FGF2: variants seen among roughly 807,000 people sequenced by gnomAD.
FGF2 encodes the protein fibroblast growth factor 2.
In FGF2, 13 loss-of-function variants were observed where a neutral mutation model predicts 15.9. That is an observed-to-expected ratio of 0.82 (90% confidence interval 0.53 to 1.30). FGF2 has a LOEUF of 1.30. FGF2 is among the 50% of genes most tolerant of loss of function. FGF2 has a pLI of 0.00. For synonymous variants in FGF2, 90 were observed against 78.4 expected (o/e 1.15, Z -0.78); for missense variants, 163 against 196.9 (o/e 0.83, Z 1.03).
intron 2 of FGF2, chr4:122,884,239 A>T (rs952061791): frequency 3.3e-5 from 5 of 152,276 alleles, no homozygotes; most frequent in African/African-American, 1.2e-4. Context: ...CATGCCTGTA[A>T]TCCCAGCACT....
chr4:122,887,469 C>T (rs193142801), intron 2 of FGF2, among the ~76,000 whole-genome samples: 22 of 152,288 alleles, frequency 1.4e-4, no homozygotes, highest in African/African-American at 4.6e-4. Flanking sequence ...ACATGGCTCC[C>T]GCCATCTCCT....
intron 2 of FGF2, among the ~76,000 whole-genome samples, chr4:122,891,013 CA>C (rs143344774): frequency 0.29 from 42,082 of 143,298 alleles, 6,990 homozygotes; most frequent in South Asian, 0.52. Flanking sequence ...GCTTTTTGAA[CA>C]ATTTATCTTT....
intron 1 of FGF2, among the ~76,000 whole-genome samples, chr4:122,831,970 T>C (rs1725774074): frequency 6.6e-6 from 1 of 152,248 alleles, no homozygotes; most frequent in Non-Finnish European, 1.5e-5. Context: ...TCTTCATCTA[T>C]ACACTGATTC....
chr4:122,859,653 TAC>T (rs3034609), intron 1 of FGF2, among the ~76,000 whole-genome samples: 115,669 of 149,682 alleles, frequency 0.77, 45,308 homozygotes, highest in East Asian at 0.9. Context: ...CATATGTATA[TAC>T]ACACACACAC....
chr4:122,882,387 C>G (rs763551942), intron 2 of FGF2: 1 of 152,174 alleles, frequency 6.6e-6, no homozygotes, highest in Non-Finnish European at 1.5e-5. Flanking sequence ...AGAATGTAGA[C>G]CTGAAAAGAG....
intron 1 of FGF2, among the ~76,000 whole-genome samples, chr4:122,846,989 C>T (rs373670476): frequency 2.6e-5 from 4 of 152,178 alleles, no homozygotes; most frequent in East Asian, 1.9e-4. Flanking sequence ...CCTGTGCCCG[C>T]GCATTACAAG....
chr4:122,870,192 C>T (rs77852672), intron 1 of FGF2, among the ~76,000 whole-genome samples: 2 of 152,134 alleles, frequency 1.3e-5, no homozygotes, highest in Non-Finnish European at 2.9e-5. Context: ...TCGACTTGAT[C>T]GCAGCGGATA....
intron 1 of FGF2, among the ~76,000 whole-genome samples, chr4:122,835,993 A>G: frequency 6.6e-6 from 1 of 152,176 alleles, no homozygotes; most frequent in East Asian, 1.9e-4. Context: ...AAAATCCTTT[A>G]AGATCCAGCC....
intron 1 of FGF2, among the ~76,000 whole-genome samples, chr4:122,871,454 C>G (rs1163867059): frequency 6.6e-6 from 1 of 151,970 alleles, no homozygotes; most frequent in Non-Finnish European, 1.5e-5. Flanking sequence ...GAGTCTAAGT[C>G]TCTTTGTAGG....
chr4:122,884,314 C>T (rs147119510), intron 2 of FGF2: 9,484 of 152,052 alleles, frequency 0.062, 738 homozygotes, highest in African/African-American at 0.19. Flanking sequence ...GCCAACATGG[C>T]GAAACCCCAT....
At chr4:122,846,929 G>A (rs1300952400) in intron 1 of FGF2, among the ~76,000 whole-genome samples, 1 of 152,172 alleles carries the variant, frequency 6.6e-6, no homozygotes, top group Non-Finnish European at 1.5e-5. Context: ...GTCACACGAT[G>A]GATGCACGGG....
In FGF2 at chr4:122,839,350, G is replaced by C. The variant is rs73844940; in HGVS notation, c.178+11998G>C. Among the ~76,000 whole-genome samples, 1,098 of 152,122 alleles carry C rather than the reference G, an allele frequency of 7.2e-3. 9 individuals are homozygous for C. Among genetic ancestry groups the C allele is most frequent in the African/African-American group, 0.025 (1,021 of 41,454 alleles). ...TCGAGGGTATCTTTTCAGTATTTAA[G>C]GACATGTGGTGTAAGATTTTAAAAC... On this transcript the variant is annotated intron_variant, in intron 1 of 2. Coordinates refer to ENST00000644866, the MANE Select transcript of FGF2 (RefSeq NM_001361665.2).
Position 122,896,175 on chromosome 4 carries a change from C to A in FGF2, c.*3779C>A, listed in dbSNP as rs1011783103. ...GGTAGGTGAGTTGTTGTGACAACCA[C>A]AAGCACTTTTTTTTTTTTTAAAGAA... On this transcript the variant is annotated 3_prime_UTR_variant, in exon 3 of 3. Coordinates refer to ENST00000644866, the MANE Select transcript of FGF2 (RefSeq NM_001361665.2). 2 of 147,060 alleles carry A rather than the reference C, an allele frequency of 1.4e-5. No homozygotes were observed. Among genetic ancestry groups the A allele is most frequent in the East Asian group, 4.2e-4 (2 of 4,728 alleles). 9.1% of individuals were successfully genotyped at this position (147,060 alleles called of 1,614,324 possible). A position where few individuals can be genotyped will look rare whatever the true frequency, so the allele number is the denominator to read the frequency against.
At position 122,892,891 on chromosome 4, in the gene FGF2, C is replaced by T. The variant is rs1727226942; in HGVS notation, c.*495C>T. 1.2e-6 allele frequency: 2 copies of T among 1,613,522 alleles called. No individual in the cohort carries two copies. Among genetic ancestry groups the T allele is most frequent in the South Asian group, 2.2e-5 (2 of 91,036 alleles). ...GTTCCTTATGATAGAGTTTATAAAA[C>T]AGTCCTGTGTAAACTGCTGGAAGTT... On this transcript the variant is annotated 3_prime_UTR_variant, in exon 3 of 3. Coordinates refer to ENST00000644866, the MANE Select transcript of FGF2 (RefSeq NM_001361665.2).
chr4:122,859,696 T>G (rs1227454151), intron 1 of FGF2, among the ~76,000 whole-genome samples: 1 of 152,062 alleles, frequency 6.6e-6, no homozygotes, highest in Non-Finnish European at 1.5e-5. Context: ...TAACAACTGT[T>G]TCCCATCGTA....
intron 1 of FGF2, among the ~76,000 whole-genome samples, chr4:122,859,198 A>G (rs546427786): frequency 1.3e-5 from 2 of 152,274 alleles, no homozygotes; most frequent in African/African-American, 4.8e-5. Context: ...AAATTATGCA[A>G]TTGCCACTAA....
At chr4:122,836,551 T>A (rs1725870340) in intron 1 of FGF2, among the ~76,000 whole-genome samples, 1 of 152,218 alleles carries the variant, frequency 6.6e-6, no homozygotes, top group African/African-American at 2.4e-5. Context: ...TTTTTATTTT[T>A]AAAAAATCCA....
intron 1 of FGF2, among the ~76,000 whole-genome samples, chr4:122,870,800 G>A (rs1212162964): frequency 1.3e-5 from 2 of 151,550 alleles, no homozygotes; most frequent in Non-Finnish European, 2.9e-5. Context: ...TTTTTTGTAG[G>A]GTTTTTCGTG....
chr4:122,857,691 A>C (rs1341223293), intron 1 of FGF2, among the ~76,000 whole-genome samples: 2 of 152,192 alleles, frequency 1.3e-5, no homozygotes, highest in East Asian at 1.9e-4. Context: ...TATTGGAGGA[A>C]ATTGTAAGTT....
Sources: allele counts gnomAD v4.1 joint callset (sites outside exome capture counted in the v4.1 genomes callset), GRCh38; gene constraint gnomAD v4.1.1; transcripts MANE v1.5; gene names NCBI Gene and HGNC (gene_info 2026-07-23, HGNC 2026-07-21).